The following USP14 variants were observed in gnomAD, a reference collection of about 807,000 sequenced individuals.
The protein encoded by USP14 is ubiquitin carboxyl-terminal hydrolase 14.
USP14 carries 38 observed loss-of-function variants against 76.5 expected under a neutral mutation model. The ratio of observed to expected loss-of-function variants is 0.50; its 90% CI spans 0.38 to 0.65. The LOEUF is 0.65. Among genes scored for constraint, USP14 ranks in the 30% least tolerant of loss-of-function variants. The probability of loss-of-function intolerance (pLI) is 0.00; values close to 1 mark genes in which losing one functional copy is unlikely to be tolerated. For missense variants in USP14, 467 were observed against 586.5 expected, an observed-to-expected ratio of 0.80 and a Z score of 2.10; for synonymous variants, 192 against 191.7, an observed-to-expected ratio of 1.00 and a Z score of -0.01.
At chr18:185,333 A>G (rs1909899133) in intron 5 of USP14, among the ~76,000 whole-genome samples, 1 of 151,750 alleles carries the variant, frequency 6.6e-6, no homozygotes, top group African/African-American at 2.4e-5. Flanking sequence ...TAATTTTTGT[A>G]TTTTTAGTAG....
At chr18:160,052 C>T (rs1909073079) in intron 1 of USP14, among the ~76,000 whole-genome samples, 1 of 152,164 alleles carries the variant, frequency 6.6e-6, no homozygotes, top group Non-Finnish European at 1.5e-5. Flanking sequence ...CCTGTAATCC[C>T]AGCTCTTTGG....
At chr18:162,970 G>A (rs1024175709) in intron 1 of USP14, 2 of 162,214 alleles carry the variant, frequency 1.2e-5, no homozygotes, top group Admixed American at 6.3e-5. Flanking sequence ...GCTAATTTTT[G>A]TATTTTTATT....
At chr18:199,902 G>A (rs1381774663) in intron 10 of USP14, among the ~76,000 whole-genome samples, 1 of 152,184 alleles carries the variant, frequency 6.6e-6, no homozygotes, top group Non-Finnish European at 1.5e-5. Flanking sequence ...AGTGCTTGTG[G>A]TGACTTTGTA....
Position 163,560 on chromosome 18 carries a change from T to A in USP14, c.162+107T>A, listed in dbSNP as rs925452736. ...AATGTAGCATTTGAAGTGCTTTTTTTATATGATGAGAGTATGTCAGCTATG... is the reference window on the plus strand; with the variant it reads ...AATGTAGCATTTGAAGTGCTTTTTTAATATGATGAGAGTATGTCAGCTATG... On this transcript the variant is annotated intron_variant, in intron 2 of 15. Transcript: ENST00000261601. 30 of 1,281,640 alleles carry A rather than the reference T, an allele frequency of 2.3e-5. No individual in the cohort carries two copies. In the African/African-American group the frequency reaches 3.8e-4, roughly 16 times the overall value. The allele number at this position is 1,281,640 out of a possible 1,614,324, so 79.4% of individuals were successfully genotyped here.
rs1384037426 is a variant in USP14 at position 192,870 on chromosome 18, G to C, written c.433G>C (p.Glu145Gln). ...TGCAGGTGCCTTGAGAGCTTCAGGG[G>C]AAATGGCTTCAGCGCAGTATATTAC... ...RYAGALRASG[E>Q]MASAQYITAA... is the part of the protein sequence containing the mutation. The change falls in exon 6 of 16, where the codon GAA (glutamate) becomes CAA (glutamine). Residue 145 changes from glutamate (E) to glutamine (Q), a missense_variant. Physicochemically the swap from Glu to Gln is conservative, Grantham distance 29 (BLOSUM62 2). Transcript: ENST00000261601. 1 of 1,613,874 alleles carries C rather than the reference G, an allele frequency of 6.2e-7. No homozygotes were observed. The highest frequency in any genetic ancestry group is 1.7e-5 in the Admixed American group (1 of 59,998).
chr18:204,855 C>T (rs1437477449), intron 13 of USP14, among the ~76,000 whole-genome samples, 163 bp downstream of exon 13: 5 of 151,770 alleles, frequency 3.3e-5, no homozygotes, highest in African/African-American at 4.8e-5. Flanking sequence ...TATACACATC[C>T]TCCATATATC....
intron 6 of USP14, among the ~76,000 whole-genome samples, chr18:194,206 TTA>T: frequency 6.6e-6 from 1 of 152,326 alleles, no homozygotes; most frequent in Non-Finnish European, 1.5e-5. Flanking sequence ...TCATTTGCAG[TTA>T]GAGAGATTTT....
chr18:186,052 A>T (rs1598272358), intron 5 of USP14, among the ~76,000 whole-genome samples: 1 of 152,124 alleles, frequency 6.6e-6, no homozygotes, highest in South Asian at 2.1e-4. Context: ...TGACAAAAAA[A>T]TTTTAAATAA....
intron 3 of USP14, among the ~76,000 whole-genome samples, chr18:169,347 C>G (rs1240767540): frequency 1.8e-5 from 2 of 111,844 alleles, no homozygotes; most frequent in Non-Finnish European, 3.4e-5. Flanking sequence ...GGCAACAGAG[C>G]AAGACTCTAC....
rs1910128700 is a variant in USP14, at chr18:192,856, T to C, written c.419T>C (p.Leu140Ser). The C allele has an allele frequency of 6.2e-7, 1 of 1,613,852 alleles. No homozygotes were observed. The highest frequency in any genetic ancestry group is 1.7e-5 in the Admixed American group (1 of 59,976). The change falls in exon 6 of 16, where the codon TTG becomes TCG. Residue 140 changes from leucine (L) to serine (S), a missense_variant. By Grantham distance (145) the Leu-to-Ser change is moderately radical. Transcript: ENST00000261601. ...KDALKRYAGA[L>S]RASGEMASAQ... ...AATGTTCCTAGGTATGCAGGTGCCT[T>C]GAGAGCTTCAGGGGAAATGGCTTCA...
intron 5 of USP14, among the ~76,000 whole-genome samples, chr18:186,440 A>G (rs2143031746): frequency 6.6e-6 from 1 of 152,098 alleles, no homozygotes; most frequent in South Asian, 2.1e-4. Flanking sequence ...TGGGCAATGC[A>G]ATGAGACCCT....
chr18:166,463 G>T (rs1344033335), intron 2 of USP14, among the ~76,000 whole-genome samples: 1 of 152,014 alleles, frequency 6.6e-6, no homozygotes, highest in Non-Finnish European at 1.5e-5. Context: ...CTCCCGAGTA[G>T]CTGGAATTAC....
At chr18:164,894 C>G (rs973292702) in intron 2 of USP14, among the ~76,000 whole-genome samples, 2 of 152,162 alleles carry the variant, frequency 1.3e-5, no homozygotes, top group African/African-American at 4.8e-5. Context: ...AAGAATCCAT[C>G]CCTGCCAGCA....
chr18:200,185 G>A (rs1208699009), intron 10 of USP14, among the ~76,000 whole-genome samples: 2 of 152,150 alleles, frequency 1.3e-5, no homozygotes, highest in Non-Finnish European at 2.9e-5. Flanking sequence ...CTTAGAGATA[G>A]TTGTTTTCAT....
chr18:179,035 G>C lies in USP14; in HGVS notation c.298G>C (p.Ala100Pro). Residue 100 changes from alanine (A) to proline (P), a missense_variant and splice_region_variant, in exon 4 of 16, where the codon GCT (alanine) becomes CCT (proline). Physicochemically the swap from Ala to Pro is conservative, Grantham distance 27 (BLOSUM62 -1). Transcript: ENST00000261601. ...EDMTEEQLAS[A>P]MELPCGLTNL... ...CATGACAGAAGAACAGTTAGCATCTGCTGTAAGACACACCAGATTTTATGT... is the reference window on the plus strand; with the variant it reads ...CATGACAGAAGAACAGTTAGCATCTCCTGTAAGACACACCAGATTTTATGT... The C allele has an allele frequency of 6.3e-7, 1 of 1,595,084 alleles. No individual in the cohort carries two copies. The highest frequency in any genetic ancestry group is 1.4e-5 in the African/African-American group (1 of 73,966).
chr18:171,024 AAATATATATATATAT>A (rs1909437115), intron 3 of USP14, among the ~76,000 whole-genome samples: 2 of 58,840 alleles, frequency 3.4e-5, no homozygotes, highest in African/African-American at 7.0e-5. Flanking sequence ...AAAAAAAAAA[AAATATATATATATAT>A]ATATATATAT....
chr18:171,023 A>AAAAAAAT (rs1909435574), intron 3 of USP14, among the ~76,000 whole-genome samples: 1 of 46,850 alleles, frequency 2.1e-5, no homozygotes, highest in African/African-American at 9.1e-5. Flanking sequence ...AAAAAAAAAA[A>AAAAAAAT]AAATATATAT....
rs1376136933 is a variant in USP14, at chr18:199,315, T to C, written c.875T>C (p.Leu292Ser). 1 of 1,599,216 alleles carries C rather than the reference T, an allele frequency of 6.3e-7. No homozygotes were observed. The highest frequency in any genetic ancestry group is 8.6e-7 in the Non-Finnish European group (1 of 1,166,890). ...EVKYLFTGLKLRLQEEITKQS... is the reference protein window; with the variant it reads ...EVKYLFTGLKSRLQEEITKQS... ...AAGTATCTTTTTACAGGACTTAAAT[T>C]GGTAAGGACAATCTCAGTCCATCCT... Residue 292 changes from leucine (L) to serine (S), a missense_variant and splice_region_variant, in exon 10 of 16, where the codon TTG (leucine) becomes TCG (serine). Leu to Ser is a moderately radical substitution (Grantham distance 145). Coordinates refer to ENST00000261601, the MANE Select transcript of USP14 (RefSeq NM_005151.4).
chr18:193,023 T>C (rs1910133762), intron 6 of USP14, 123 bp downstream of exon 6: 1 of 624,312 alleles, frequency 1.6e-6, no homozygotes, highest in Admixed American at 3.6e-5. Flanking sequence ...GGAGTGTACA[T>C]TATACTTAAG....
Sources: gnomAD v4.1 joint callset for allele counts (sites outside exome capture counted in the v4.1 genomes callset) on GRCh38, gnomAD v4.1.1 for gene constraint, MANE v1.5 for transcripts, NCBI Gene and HGNC (gene_info 2026-07-23, HGNC 2026-07-21) for gene names.